DLG2: variants seen among roughly 807,000 people sequenced by gnomAD.
The protein encoded by DLG2 is discs large MAGUK scaffold protein 2.
DLG2 carries 45 observed loss-of-function variants against 132.5 expected under a neutral mutation model. That is an observed-to-expected ratio of 0.34 (90% confidence interval 0.27 to 0.44). The LOEUF is 0.44. Ranked by LOEUF, DLG2 falls within the 20% of genes least tolerant of loss-of-function variation. The pLI, the probability that DLG2 is intolerant of heterozygous loss-of-function variation, is 1.00. For missense variants in DLG2, 1,045 were observed against 1,196.9 expected, an observed-to-expected ratio of 0.87 and a Z score of 1.87; for synonymous variants, 424 against 419.6, an observed-to-expected ratio of 1.01 and a Z score of -0.13.
intron 6 of DLG2, among the ~76,000 whole-genome samples, chr11:84,684,472 C>T (rs2099736303): frequency 6.6e-6 from 1 of 152,112 alleles, no homozygotes; most frequent in Non-Finnish European, 1.5e-5. Context: ...CAGTACGTCA[C>T]AGAACATATT....
intron 6 of DLG2, among the ~76,000 whole-genome samples, chr11:84,959,215 C>G (rs117409666): frequency 6.6e-6 from 1 of 152,146 alleles, no homozygotes; most frequent in African/African-American, 2.4e-5. Flanking sequence ...AGGCTTCACA[C>G]GGAATCTTAA....
At chr11:83,697,234 A>G (rs1592636564) in intron 18 of DLG2, among the ~76,000 whole-genome samples, 1 of 152,356 alleles carries the variant, frequency 6.6e-6, no homozygotes, top group East Asian at 1.9e-4. Flanking sequence ...TAAATGATCA[A>G]CTGAAGTGAA....
intron 18 of DLG2, among the ~76,000 whole-genome samples, chr11:83,765,855 C>A (rs1000531105): frequency 2.0e-5 from 3 of 152,018 alleles, no homozygotes; most frequent in Non-Finnish European, 4.4e-5. Context: ...GAATTGCTAC[C>A]CAAATATACT....
chr11:83,926,576 T>C (rs959658848), intron 15 of DLG2, among the ~76,000 whole-genome samples: 3 of 152,132 alleles, frequency 2.0e-5, no homozygotes, highest in Admixed American at 2.0e-4. Flanking sequence ...AAGGCTTAGC[T>C]AAATAAATTA....
chr11:84,788,100 CAA>C (rs139086655), intron 6 of DLG2, among the ~76,000 whole-genome samples: 125 of 45,660 alleles, frequency 2.7e-3, no homozygotes, highest in African/African-American at 7.1e-3. Flanking sequence ...GAATATGTCT[CAA>C]AAAAAAAAAA....
At chr11:85,050,449 A>G (rs2154153816) in intron 6 of DLG2, among the ~76,000 whole-genome samples, 1 of 152,252 alleles carries the variant, frequency 6.6e-6, no homozygotes, top group Non-Finnish European at 1.5e-5. Flanking sequence ...CCAAGAAAAT[A>G]TCACCTCCAG....
At chr11:83,693,821 G>A (rs1053592240) in intron 18 of DLG2, 3 of 152,164 alleles carry the variant, frequency 2.0e-5, no homozygotes, top group Non-Finnish European at 4.4e-5. Flanking sequence ...GTGACAGATC[G>A]GAAAGGGACC....
chr11:85,016,807 G>C (rs1196278803), intron 6 of DLG2, among the ~76,000 whole-genome samples: 2 of 152,094 alleles, frequency 1.3e-5, no homozygotes, highest in East Asian at 3.9e-4. Flanking sequence ...ATAAAATTGA[G>C]GTTATTAGGT....
chr11:85,430,674 T>C (rs75970006), intron 3 of DLG2, among the ~76,000 whole-genome samples: 1 of 152,140 alleles, frequency 6.6e-6, no homozygotes, highest in Non-Finnish European at 1.5e-5. Flanking sequence ...TGGGTTTGAC[T>C]GCAAACAGGA....
intron 7 of DLG2, among the ~76,000 whole-genome samples, chr11:84,443,750 G>T (rs534071805): frequency 6.6e-6 from 1 of 151,904 alleles, no homozygotes; most frequent in African/African-American, 2.4e-5. Flanking sequence ...TTTTCTTATT[G>T]ACTTGTGAAG....
intron 18 of DLG2, among the ~76,000 whole-genome samples, chr11:83,740,442 C>T (rs763222126): frequency 2.0e-5 from 3 of 152,070 alleles, no homozygotes; most frequent in African/African-American, 7.2e-5. Context: ...ATTTAAAGTG[C>T]CAACTGGATA....
intron 3 of DLG2, among the ~76,000 whole-genome samples, chr11:85,320,738 G>C (rs1400911309): frequency 6.6e-6 from 1 of 151,732 alleles, no homozygotes; most frequent in African/African-American, 2.4e-5. Context: ...ATAAAGTACT[G>C]TAGGAAAAGG....
At chr11:84,934,525 G>GTTTTTTTTTTTTTTTTTT (rs757894179) in intron 6 of DLG2, among the ~76,000 whole-genome samples, 3 of 38,656 alleles carry the variant, frequency 7.8e-5, no homozygotes, top group Non-Finnish European at 1.3e-4. Flanking sequence ...GTTTTGTTTT[G>GTTTTTTTTTTTTTTTTTT]TTTTTTTTTT....
At chr11:83,711,783 G>T (rs1431837837) in intron 18 of DLG2, among the ~76,000 whole-genome samples, 1 of 152,092 alleles carries the variant, frequency 6.6e-6, no homozygotes, top group Admixed American at 6.5e-5. Flanking sequence ...CATGCTCCAT[G>T]GGCCAAAGCA....
intron 14 of DLG2, among the ~76,000 whole-genome samples, chr11:83,944,725 C>T (rs973422193): frequency 6.6e-6 from 1 of 152,100 alleles, no homozygotes; most frequent in East Asian, 1.9e-4. Flanking sequence ...AGATAGACAC[C>T]AGGCAACAAA....
At chr11:83,727,454 C>T (rs772348289) in intron 18 of DLG2, among the ~76,000 whole-genome samples, 1 of 152,182 alleles carries the variant, frequency 6.6e-6, no homozygotes, top group African/African-American at 2.4e-5. Context: ...TCAGTGGATT[C>T]AGGTGCAACA....
intron 6 of DLG2, among the ~76,000 whole-genome samples, chr11:85,064,556 G>A (rs2064602929): frequency 6.6e-6 from 1 of 151,804 alleles, no homozygotes; most frequent in African/African-American, 2.4e-5. Context: ...TTTCAAAAGG[G>A]ATTATACCAT....
At chr11:85,224,210 A>G (rs527444376) in intron 4 of DLG2, among the ~76,000 whole-genome samples, 2 of 152,304 alleles carry the variant, frequency 1.3e-5, no homozygotes, top group African/African-American at 2.4e-5. Context: ...TAGAGCTACA[A>G]CTGCTTGAAG....
At chr11:85,005,678 G>A (rs1005990108) in intron 6 of DLG2, among the ~76,000 whole-genome samples, 6 of 152,152 alleles carry the variant, frequency 3.9e-5, no homozygotes, top group African/African-American at 1.4e-4. Context: ...TGCAAACAGA[G>A]ACAATTTACT....
Sources: gnomAD v4.1 joint callset for allele counts (sites outside exome capture counted in the v4.1 genomes callset) on GRCh38, gnomAD v4.1.1 for gene constraint, MANE v1.5 for transcripts, NCBI Gene and HGNC (gene_info 2026-07-23, HGNC 2026-07-21) for gene names.